Variants in KCTD8 observed in about 807,000 individuals in gnomAD.
KCTD8 encodes potassium channel tetramerization domain containing 8, also known as BTB/POZ domain-containing protein KCTD8.
KCTD8 carries 27 observed loss-of-function variants against 31.5 expected under a neutral mutation model. That is an observed-to-expected ratio of 0.86 (90% CI 0.63 to 1.18). The LOEUF (loss-of-function observed/expected upper bound fraction) is 1.18, where lower values mean the gene tolerates loss of function less well. Among genes scored for constraint, KCTD8 ranks in the 50% most tolerant of loss-of-function variants. The probability of loss-of-function intolerance (pLI) is 0.00; values close to 1 mark genes in which losing one functional copy is unlikely to be tolerated. For synonymous variants in KCTD8, 290 were observed against 280.0 expected, an observed-to-expected ratio of 1.04 and a Z score of -0.36; for missense variants, 658 against 647.7, an observed-to-expected ratio of 1.02 and a Z score of -0.17.
In KCTD8 at chr4:44,412,357, C is replaced by T. The variant is rs1395724808; in HGVS notation, c.961+35206G>A. On this transcript the variant is annotated intron_variant, in intron 1 of 1. Transcript: ENST00000360029. ...TAGCAACTTTACACTCCCACTCTTG[C>T]ACCAGCCACCAATCTTTTGTTGACT... 4.6e-5 allele frequency among the ~76,000 whole-genome samples: 7 copies of T among 152,300 alleles called. No homozygotes were observed. In the East Asian group the frequency reaches 1.4e-3, roughly 29 times the overall value.
At chr4:44,336,689 A>G (rs1020597307) in intron 1 of KCTD8, among the ~76,000 whole-genome samples, 4 of 152,138 alleles carry the variant, frequency 2.6e-5, no homozygotes, top group African/African-American at 7.2e-5. Flanking sequence ...TGAAAAAATC[A>G]GCAACTTTTC....
chr4:44,230,848 T>G (rs1207670220), intron 1 of KCTD8, among the ~76,000 whole-genome samples: 2 of 152,146 alleles, frequency 1.3e-5, no homozygotes, highest in Admixed American at 1.3e-4. Context: ...AGCGATCTTA[T>G]GAGAACATCC....
chr4:44,394,948 T>C (rs988067233), intron 1 of KCTD8, among the ~76,000 whole-genome samples: 1 of 152,122 alleles, frequency 6.6e-6, no homozygotes, highest in Non-Finnish European at 1.5e-5. Context: ...TTTTCCTTCA[T>C]GATGGTCCTT....
chr4:44,363,233 G>A (rs138313540), intron 1 of KCTD8, among the ~76,000 whole-genome samples: 278 of 152,160 alleles, frequency 1.8e-3, no homozygotes, highest in Middle Eastern at 3.4e-3. Flanking sequence ...AAACTCCTCC[G>A]GCTTTTTTAT....
At chr4:44,304,639 A>C (rs1322289190) in intron 1 of KCTD8, among the ~76,000 whole-genome samples, 1 of 152,186 alleles carries the variant, frequency 6.6e-6, no homozygotes, top group Non-Finnish European at 1.5e-5. Flanking sequence ...TATTATGTTG[A>C]TGGCTGAAGT....
intron 1 of KCTD8, among the ~76,000 whole-genome samples, chr4:44,194,144 A>G (rs1352805842): frequency 2.0e-5 from 3 of 152,318 alleles, no homozygotes; most frequent in Admixed American, 2.0e-4. Context: ...GATATGCAGC[A>G]CATGATCCAG....
chr4:44,364,061 C>T (rs979029702), intron 1 of KCTD8, among the ~76,000 whole-genome samples: 1 of 151,850 alleles, frequency 6.6e-6, no homozygotes, highest in Non-Finnish European at 1.5e-5. Flanking sequence ...ACATGAAAAG[C>T]ACTATCGATA....
chr4:44,282,422 C>T (rs1336667678), intron 1 of KCTD8, among the ~76,000 whole-genome samples: 2 of 152,114 alleles, frequency 1.3e-5, no homozygotes, highest in Non-Finnish European at 2.9e-5. Flanking sequence ...TCTCCCTCCC[C>T]ATGAGCCTCC....
intron 1 of KCTD8, among the ~76,000 whole-genome samples, chr4:44,347,552 G>A (rs767258793): frequency 1.3e-5 from 2 of 152,146 alleles, no homozygotes; most frequent in Non-Finnish European, 2.9e-5. Context: ...GTTCCACATT[G>A]TTTAGTGCAC....
At chr4:44,398,046 G>C (rs1720553957) in intron 1 of KCTD8, among the ~76,000 whole-genome samples, 1 of 152,128 alleles carries the variant, frequency 6.6e-6, no homozygotes. Context: ...ATCTTTGATA[G>C]AGAATTGAAA....
At chr4:44,194,781 TTCCCTCCCTCCC>T (rs1193612494) in intron 1 of KCTD8, among the ~76,000 whole-genome samples, 256 of 13,948 alleles carry the variant, frequency 0.018, 2 homozygotes, top group Middle Eastern at 0.1. Context: ...CCCTCCCCCC[TTCCCTCCCTCCC>T]TCCCTCCCTC....
At chr4:44,182,102 G>C (rs900795521) in intron 1 of KCTD8, among the ~76,000 whole-genome samples, 1 of 151,706 alleles carries the variant, frequency 6.6e-6, no homozygotes, top group African/African-American at 2.4e-5. Context: ...CCCGACAGCC[G>C]CCCCGTCCGG....
At chr4:44,259,213 G>T (rs1345343534) in intron 1 of KCTD8, among the ~76,000 whole-genome samples, 1 of 149,544 alleles carries the variant, frequency 6.7e-6, no homozygotes, top group Non-Finnish European at 1.5e-5. Context: ...TTGCTTTGTG[G>T]TTTTTTTTTC....
chr4:44,194,787 C>G (rs866912162), intron 1 of KCTD8, among the ~76,000 whole-genome samples: 6 of 58,522 alleles, frequency 1.0e-4, no homozygotes, highest in African/African-American at 3.5e-4. Flanking sequence ...CCCCTTCCCT[C>G]CCTCCCTCCC....
intron 1 of KCTD8, among the ~76,000 whole-genome samples, chr4:44,417,013 T>C (rs998488487): frequency 6.6e-6 from 1 of 152,182 alleles, no homozygotes; most frequent in Admixed American, 6.5e-5. Flanking sequence ...TTCAAAACAA[T>C]TTCTGCATCA....
intron 1 of KCTD8, among the ~76,000 whole-genome samples, chr4:44,318,517 T>A (rs56321814): frequency 0.029 from 4,474 of 152,232 alleles, 237 homozygotes; most frequent in African/African-American, 0.1. Flanking sequence ...GGAGGAATAA[T>A]CAATATTGCT....
chr4:44,308,073 T>C (rs1166442669), intron 1 of KCTD8, among the ~76,000 whole-genome samples: 3 of 152,056 alleles, frequency 2.0e-5, no homozygotes, highest in Non-Finnish European at 4.4e-5. Context: ...GTTACTACTA[T>C]ATAGGTACAA....
rs1314034730 is a variant in KCTD8, at chr4:44,226,343, CA to C, written c.962-51094del. Among the ~76,000 whole-genome samples the C allele has an allele frequency of 1.4e-4, 22 of 152,276 alleles. No individual in the cohort carries two copies. The East Asian group carries it at 3.9e-3, about 27-fold the overall frequency. ...TGCTGAGAATGATGGCTTTCAGCTT[CA>C]TCTATGTCCCTGTAAAGGACATGAA... On this transcript the variant is annotated intron_variant, in intron 1 of 1. Transcript: ENST00000360029.
At chr4:44,180,451 A>C (rs1411006604) in intron 1 of KCTD8, among the ~76,000 whole-genome samples, 1 of 152,226 alleles carries the variant, frequency 6.6e-6, no homozygotes. Context: ...ATAAACTAGG[A>C]TATCCATCCA....
Sources: gnomAD v4.1 joint callset for allele counts (sites outside exome capture counted in the v4.1 genomes callset) on GRCh38, gnomAD v4.1.1 for gene constraint, MANE v1.5 for transcripts, NCBI Gene and HGNC (gene_info 2026-07-23, HGNC 2026-07-21) for gene names.